KDM2B: variants seen among roughly 807,000 people sequenced by gnomAD.
KDM2B encodes lysine demethylase 2B.
KDM2B carries 26 observed loss-of-function variants against 150.0 expected under a neutral mutation model. That is an observed-to-expected ratio of 0.17 (90% CI 0.13 to 0.24). The LOEUF (loss-of-function observed/expected upper bound fraction) is 0.24. Among genes scored for constraint, KDM2B ranks in the 10% least tolerant of loss-of-function variants. The pLI is 1.00. For missense variants in KDM2B, 1,265 were observed against 1,816.9 expected (o/e 0.70, Z 5.52); for synonymous variants, 734 against 729.5 (o/e 1.01, Z -0.10).
chr12:121,511,329 C>T (rs1038600098), intron 10 of KDM2B, among the ~76,000 whole-genome samples: 1 of 146,850 alleles, frequency 6.8e-6, no homozygotes, highest in Non-Finnish European at 1.5e-5. Context: ...CTTTGTTGGC[C>T]AGACTGGAGT....
At chr12:121,443,180 A>T in intron 17 of KDM2B, 150 bp from the exon 18 acceptor site, 3 of 709,480 alleles carry the variant, frequency 4.2e-6, no homozygotes, top group Non-Finnish European at 4.8e-6. Context: ...CGTCTGACCG[A>T]CAGACGGGCG....
chr12:121,421,905 A>G, the KDM2B span, among the ~76,000 whole-genome samples: 2 of 152,188 alleles, frequency 1.3e-5, no homozygotes, highest in Non-Finnish European at 2.9e-5. Context: ...ATAATACAGC[A>G]TTTGTTGATG....
At chr12:121,507,648 G>A (rs545900718) in intron 11 of KDM2B, among the ~76,000 whole-genome samples, 3 of 152,184 alleles carry the variant, frequency 2.0e-5, no homozygotes, top group Non-Finnish European at 4.4e-5. Flanking sequence ...TCCCTAGGAG[G>A]ACATCTGTTC....
At chr12:121,558,788 GC>G (rs1458217423) in intron 4 of KDM2B, among the ~76,000 whole-genome samples, 4 of 151,864 alleles carry the variant, frequency 2.6e-5, no homozygotes, top group Non-Finnish European at 5.9e-5. Flanking sequence ...ATGGGGTTTA[GC>G]CATGTTGGCC....
Position 121,521,168 on chromosome 12 carries a change from G to T in KDM2B, c.932-68C>A, listed in dbSNP as rs1946933833. 2 of 1,112,896 alleles carry T rather than the reference G, an allele frequency of 1.8e-6. No homozygotes were observed. Among genetic ancestry groups the T allele is most frequent in the Non-Finnish European group, 2.7e-6 (2 of 732,988 alleles). 68.9% of individuals were successfully genotyped at this position (1,112,896 alleles called of 1,614,324 possible). A position where few individuals can be genotyped will look rare whatever the true frequency, so the allele number is the denominator to read the frequency against. ...GTGGGCTCCCACACCTCACAAGGCTGCAGGGAGGGAGAGCGAGCGTGCAGG... is the reference window on the plus strand; with the variant it reads ...GTGGGCTCCCACACCTCACAAGGCTTCAGGGAGGGAGAGCGAGCGTGCAGG... On this transcript the variant is annotated intron_variant, in intron 8 of 22. Transcript: ENST00000377071. The surrounding 1 kb of genome is among the most constrained non-coding windows in gnomAD (Gnocchi z 4.9).
At chr12:121,500,357 G>A (rs1293321744) in intron 11 of KDM2B, among the ~76,000 whole-genome samples, 1 of 152,208 alleles carries the variant, frequency 6.6e-6, no homozygotes, top group East Asian at 1.9e-4. Context: ...TTTTCGAAGA[G>A]AAAGATCCAA....
rs1555316680 is a variant in KDM2B, at chr12:121,575,051, G to T, written c.351-458C>A. ...TCAGAGGGAAAAAAAGACACGCATT[G>T]TACTAGTTCCAGGGATGTGGTAATA... On this transcript the variant is annotated intron_variant, in intron 3 of 22. Coordinates refer to ENST00000377071, the MANE Select transcript of KDM2B (RefSeq NM_032590.5). This position sits in a 1 kb window ranked among gnomAD's most constrained non-coding sequence, Gnocchi z 4.4. 6.6e-6 allele frequency among the ~76,000 whole-genome samples: 1 copy of T among 152,232 alleles called. No homozygotes were observed. The highest frequency in any genetic ancestry group is 2.1e-4 in the South Asian group (1 of 4,836).
downstream of KDM2B, among the ~76,000 whole-genome samples, chr12:121,427,945 G>A (rs1872593404): frequency 6.6e-6 from 1 of 152,184 alleles, no homozygotes; most frequent in South Asian, 2.1e-4. Context: ...TGGATATCAG[G>A]GTAGCTATAT....
chr12:121,567,801 CCCGGGTTCAAGCCATTCT>C lies in KDM2B; in HGVS notation c.397+6728_397+6745del, dbSNP rs1224363069. On this transcript the variant is annotated intron_variant, in intron 4 of 22. Transcript: ENST00000377071. ...TCTCGGCTCACTGTAACCTCCACCT[CCCGGGTTCAAGCCATTCT>C]CCGGGTTCAAGCAATTCTCCTGCCT... is the stretch of plus-strand genomic sequence containing the variant. Among the ~76,000 whole-genome samples, 3 of 150,826 alleles carry C rather than the reference CCCGGGTTCAAGCCATTCT, an allele frequency of 2.0e-5. No homozygotes were observed. In the East Asian group the frequency reaches 5.8e-4, roughly 29 times the overall value.
intron 6 of KDM2B, among the ~76,000 whole-genome samples, chr12:121,546,379 C>CTTTTTTTT (rs371614406): frequency 3.7e-4 from 36 of 97,482 alleles, no homozygotes; most frequent in South Asian, 1.1e-3. Context: ...TTTTTTTTGC[C>CTTTTTTTT]TTTTTTTTTT....
chr12:121,509,842 C>T lies in KDM2B; in HGVS notation c.1372G>A (p.Gly458Arg), dbSNP rs535811134. 6 of 1,614,002 alleles carry T rather than the reference C, an allele frequency of 3.7e-6. No individual in the cohort carries two copies. Among genetic ancestry groups the T allele is most frequent in the East Asian group, 2.2e-5 (1 of 44,858 alleles). Residue 458 changes from glycine to arginine, a missense_variant, in exon 11 of 23, where the codon GGG becomes AGG. Around this residue, in one of 11 missense-constraint regions of KDM2B, gnomAD observed 154 missense variants for 162.5 expected, o/e 0.95. Coordinates refer to ENST00000377071, the MANE Select transcript of KDM2B (RefSeq NM_032590.5). ...AGGGCAGGTGCTTTGGGCTTCTTCCCGAGGGCCTCCTGGTCCTCAGAGGGC... is the reference window on the plus strand; with the variant it reads ...AGGGCAGGTGCTTTGGGCTTCTTCCTGAGGGCCTCCTGGTCCTCAGAGGGC... The part of the protein sequence containing the change: ...STPSEDQEAL[G>R]KKPKAPALRF...
rs530708642 is a variant in KDM2B at position 121,437,900 on chromosome 12, T to TG, written c.3829+1956_3829+1957insC. On this transcript the variant is annotated intron_variant, in intron 22 of 22. Coordinates refer to ENST00000377071, the MANE Select transcript of KDM2B (RefSeq NM_032590.5). The stretch of plus-strand genomic sequence containing the variant: ...GATGAGAGGGGAATTTTTTTTTTTT[T>TG]TAAGAAAATCTAGAAGAGTTTAGGT... Among the ~76,000 whole-genome samples the TG allele has an allele frequency of 3.4e-4, 51 of 152,082 alleles. 1 individual carries two copies. The East Asian group carries it at 8.5e-3, about 25-fold the overall frequency.
intron 8 of KDM2B, among the ~76,000 whole-genome samples, chr12:121,528,757 G>A (rs540046103): frequency 1.3e-5 from 2 of 151,928 alleles, no homozygotes; most frequent in Non-Finnish European, 2.9e-5. Context: ...GCCAGGCGTG[G>A]CGGCACATGC....
At chr12:121,556,911 A>T (rs1889941494) in intron 4 of KDM2B, among the ~76,000 whole-genome samples, 1 of 152,138 alleles carries the variant, frequency 6.6e-6, no homozygotes, top group South Asian at 2.1e-4. Context: ...AAGTGAACTA[A>T]GCCAGTAAAT....
At chr12:121,422,166 GGTT>G in the KDM2B span, among the ~76,000 whole-genome samples, 2 of 152,124 alleles carry the variant, frequency 1.3e-5, no homozygotes, top group Non-Finnish European at 2.9e-5. Flanking sequence ...GATATAACAT[GGTT>G]GTTATTATGA....
intron 22 of KDM2B, among the ~76,000 whole-genome samples, chr12:121,431,971 C>T (rs1202437236): frequency 1.3e-5 from 2 of 151,516 alleles, no homozygotes; most frequent in Admixed American, 1.3e-4. Context: ...GCAACCTCCC[C>T]TTCCCAGGTT....
At chr12:121,487,634 T>C (rs1222691727) in intron 12 of KDM2B, among the ~76,000 whole-genome samples, 1 of 152,112 alleles carries the variant, frequency 6.6e-6, no homozygotes, top group African/African-American at 2.4e-5. Flanking sequence ...CCCTTGGCCT[T>C]TGACACCCTC....
intron 12 of KDM2B, among the ~76,000 whole-genome samples, chr12:121,457,102 G>T (rs897502814): frequency 6.6e-6 from 1 of 152,170 alleles, no homozygotes; most frequent in Non-Finnish European, 1.5e-5. Flanking sequence ...ACCAGGAAAC[G>T]TGATGGCAGA....
intron 22 of KDM2B, among the ~76,000 whole-genome samples, chr12:121,432,425 C>T (rs1368636743): frequency 2.6e-5 from 4 of 152,062 alleles, no homozygotes; most frequent in African/African-American, 9.7e-5. Context: ...TTTCATTTTT[C>T]ATTATTTACT....
Sources: gnomAD v4.1 joint callset for allele counts (sites outside exome capture counted in the v4.1 genomes callset) on GRCh38, gnomAD v4.1.1 for gene constraint, gnomAD v4.1.1 regional missense constraint, Gnocchi (gnomAD v3.1) non-coding constraint, MANE v1.5 for transcripts, NCBI Gene and HGNC (gene_info 2026-07-23, HGNC 2026-07-21) for gene names.